Variants in LRP11 observed in about 807,000 individuals in gnomAD.
LRP11 encodes LDL receptor related protein 11, also known as low-density lipoprotein receptor-related protein 11.
A neutral mutation model predicts 43.1 loss-of-function variants in LRP11; 25 were observed. The observed-to-expected ratio is 0.58, with a 90% CI of 0.42 to 0.81. The LOEUF (loss-of-function observed/expected upper bound fraction) is 0.81. Ranked by LOEUF, LRP11 falls within the 30% of genes least tolerant of loss-of-function variation. The pLI is 0.00. For synonymous variants in LRP11, 316 were observed against 299.4 expected, an observed-to-expected ratio of 1.06 and a Z score of -0.57; for missense variants, 623 against 665.1, an observed-to-expected ratio of 0.94 and a Z score of 0.70.
chr6:149,835,979 A>T, intron 5 of LRP11, 106 bp downstream of exon 5: 1 of 1,054,222 alleles, frequency 9.5e-7, no homozygotes, highest in Non-Finnish European at 1.4e-6. Context: ...TTTAACTCTT[A>T]TTTCAAGATA....
At chr6:149,821,569 T>TA (rs1379186575) in intron 6 of LRP11, among the ~76,000 whole-genome samples, 3 of 152,230 alleles carry the variant, frequency 2.0e-5, no homozygotes, top group Non-Finnish European at 4.4e-5. Flanking sequence ...AACATTTCTT[T>TA]AGTTTTTCCT....
intron 4 of LRP11, 131 bp downstream of exon 4, chr6:149,837,206 CT>C (rs1776484592): frequency 1.0e-6 from 1 of 970,684 alleles, no homozygotes; most frequent in Non-Finnish European, 1.5e-6. Flanking sequence ...TAAGGCATAG[CT>C]TTTACATGTA....
chr6:149,826,032 G>T (rs145705561), intron 6 of LRP11: 36 of 496,156 alleles, frequency 7.3e-5, no homozygotes, highest in Middle Eastern at 5.5e-4. Flanking sequence ...TTCCACAGGT[G>T]TCACACCTGG....
chr6:149,863,764 T>G lies in LRP11; in HGVS notation c.257A>C (p.Gln86Pro). 6.8e-7 allele frequency: 1 copy of G among 1,476,172 alleles called. No homozygotes were observed. Among genetic ancestry groups the G allele is most frequent in the Non-Finnish European group, 8.9e-7 (1 of 1,119,922 alleles). The allele number at this position is 1,476,172 out of a possible 1,614,324, so 91.4% of individuals were successfully genotyped here. ...GCTGCCCGGGCCCGGGCAGTCCTCC[T>G]GGGGGCCGCCGCCCGCGCGCAGCTC... ...ELELRAGGGP[Q>P]EDCPGPGSGG... is the part of the protein sequence containing the mutation. Residue 86 changes from glutamine (Q) to proline (P), a missense_variant, in exon 1 of 7, where the codon CAG (glutamine) becomes CCG (proline). Transcript: ENST00000239367.
At chr6:149,830,114 G>T (rs536132304) in intron 5 of LRP11, among the ~76,000 whole-genome samples, 9 of 150,450 alleles carry the variant, frequency 6.0e-5, no homozygotes, top group African/African-American at 2.2e-4. Flanking sequence ...GGGTTCAAGC[G>T]ATTCTCCTGC....
intron 5 of LRP11, among the ~76,000 whole-genome samples, chr6:149,832,089 ATTGTCAATG>A (rs1776414894): frequency 6.6e-6 from 1 of 151,938 alleles, no homozygotes; most frequent in Non-Finnish European, 1.5e-5. Context: ...ATTCTTCATC[ATTGTCAATG>A]TGATAGGTGA....
rs544287515 is a variant in LRP11 at position 149,822,728 on chromosome 6, A to G, written c.1349-2025T>C. On this transcript the variant is annotated intron_variant, in intron 6 of 6. Transcript: ENST00000239367. ...GTGTTATACTTACTATGATAGAATTATAGATGAAGCATAGTTGTATTAATA... is the reference window on the plus strand; with the variant it reads ...GTGTTATACTTACTATGATAGAATTGTAGATGAAGCATAGTTGTATTAATA... 2.0e-5 allele frequency among the ~76,000 whole-genome samples: 3 copies of G among 152,332 alleles called. No individual in the cohort carries two copies. In the South Asian group the frequency reaches 6.2e-4, roughly 32 times the overall value.
chr6:149,853,806 C>T (rs1776759035), intron 1 of LRP11, among the ~76,000 whole-genome samples: 2 of 152,234 alleles, frequency 1.3e-5, no homozygotes, highest in African/African-American at 4.8e-5. Flanking sequence ...GCCACTGCGC[C>T]TGGCCTTGAA....
chr6:149,821,203 A>G (rs985115985), intron 6 of LRP11, among the ~76,000 whole-genome samples: 1 of 152,144 alleles, frequency 6.6e-6, no homozygotes. Flanking sequence ...TGCTGGGATT[A>G]CAGGCGTGAG....
At chr6:149,842,680 T>G (rs955439682) in intron 3 of LRP11, 3 of 1,551,036 alleles carry the variant, frequency 1.9e-6, no homozygotes, top group Non-Finnish European at 2.6e-6. Flanking sequence ...CATCCATCTG[T>G]AAACAAAGTC....
chr6:149,833,335 G>GGCA (rs2115381015), intron 5 of LRP11, among the ~76,000 whole-genome samples: 1 of 152,282 alleles, frequency 6.6e-6, no homozygotes, highest in South Asian at 2.1e-4. Context: ...AGAGGGGGAG[G>GGCA]GCAGGGACAG....
intron 2 of LRP11, among the ~76,000 whole-genome samples, chr6:149,844,631 A>T (rs949586883): frequency 6.6e-6 from 1 of 152,242 alleles, no homozygotes; most frequent in African/African-American, 2.4e-5. Context: ...TGCTTAAATG[A>T]ACTAGTCTGG....
intron 1 of LRP11, among the ~76,000 whole-genome samples, chr6:149,859,396 A>ATATATATATATATATATATATATTTTT: frequency 9.8e-5 from 7 of 71,494 alleles, no homozygotes; most frequent in Non-Finnish European, 1.4e-4. Context: ...ATATATATAT[A>ATATATATATATATATATATATATTTTT]TTTTTTTTTT....
intron 6 of LRP11, 148 bp downstream of exon 6, chr6:149,826,116 T>C: frequency 2.7e-6 from 2 of 729,866 alleles, no homozygotes; most frequent in Non-Finnish European, 5.1e-6. Flanking sequence ...CGCAGTGCAA[T>C]ACAAGCAACG....
At chr6:149,846,899 A>G (rs1485564974) in intron 2 of LRP11, among the ~76,000 whole-genome samples, 3 of 152,064 alleles carry the variant, frequency 2.0e-5, no homozygotes, top group African/African-American at 7.2e-5. Flanking sequence ...GCACCACTGC[A>G]CTCTAGCCTG....
intron 2 of LRP11, among the ~76,000 whole-genome samples, chr6:149,843,835 A>G (rs1776588601): frequency 6.6e-6 from 1 of 152,190 alleles, no homozygotes; most frequent in Middle Eastern, 3.4e-3. Flanking sequence ...CTCACTTCCC[A>G]TTTAGTCTTC....
rs1056010675 is a variant in LRP11 at position 149,819,475 on chromosome 6, A to G, written c.*1074T>C. The G allele has an allele frequency of 6.6e-5, 10 of 152,592 alleles. No individual in the cohort carries two copies. Among genetic ancestry groups the G allele is most frequent in the African/African-American group, 2.2e-4 (9 of 41,442 alleles). The allele number at this position is 152,592 out of a possible 1,614,324, so 9.5% of individuals were successfully genotyped here. ...TAAAAGGGGAAAGATGCTAAGCTAGATGCTGGTTTTCTGTAAAGATGAATT... is the reference window on the plus strand; with the variant it reads ...TAAAAGGGGAAAGATGCTAAGCTAGGTGCTGGTTTTCTGTAAAGATGAATT... On this transcript the variant is annotated 3_prime_UTR_variant, in exon 7 of 7. Coordinates refer to ENST00000239367, the MANE Select transcript of LRP11 (RefSeq NM_032832.6).
intron 1 of LRP11, among the ~76,000 whole-genome samples, chr6:149,859,037 CTCA>C (rs1435693853): frequency 6.6e-6 from 1 of 151,852 alleles, no homozygotes; most frequent in African/African-American, 2.4e-5. Flanking sequence ...CACTTTTTTG[CTCA>C]TATGTTCTCT....
intron 1 of LRP11, 152 bp downstream of exon 1, chr6:149,863,256 C>G: frequency 8.7e-7 from 1 of 1,156,018 alleles, no homozygotes; most frequent in African/African-American, 1.6e-5. Flanking sequence ...TGGGCTTCCT[C>G]TTCCCTAAGA....
Sources: allele counts gnomAD v4.1 joint callset (sites outside exome capture counted in the v4.1 genomes callset), GRCh38; gene constraint gnomAD v4.1.1; transcripts MANE v1.5; gene names NCBI Gene and HGNC (gene_info 2026-07-23, HGNC 2026-07-21).